The following KIAA0753 variants were observed in gnomAD, a reference collection of about 807,000 sequenced individuals.
KIAA0753 encodes protein moonraker.
In KIAA0753, 114 loss-of-function variants were observed where a neutral mutation model predicts 116.9. The ratio of observed to expected loss-of-function variants is 0.98; its 90% CI spans 0.84 to 1.14. The LOEUF (loss-of-function observed/expected upper bound fraction) is 1.14. Among genes scored for constraint, KIAA0753 ranks in the 50% most tolerant of loss-of-function variants. KIAA0753 has a pLI of 0.00. For synonymous variants in KIAA0753, 405 were observed against 413.1 expected (o/e 0.98, Z 0.24); for missense variants, 1,156 against 1,172.4 (o/e 0.99, Z 0.20).
chr17:6,578,558 C>A lies in KIAA0753; in HGVS notation c.*1189G>T, dbSNP rs1454176702. The A allele has an allele frequency of 6.6e-6, 1 of 152,162 alleles. No individual in the cohort carries two copies. The allele number at this position is 152,162 out of a possible 1,614,324, so 9.4% of individuals were successfully genotyped here. A position where few individuals can be genotyped will look rare whatever the true frequency, so the allele number is the denominator to read the frequency against. ...TCAATTTTGCACAAATAAGTGTGAT[C>A]AAGCAGCTTAAATCACCTGAAATTC... On this transcript the variant is annotated 3_prime_UTR_variant, in exon 19 of 19. Transcript: ENST00000361413.
At chr17:6,590,740 A>G (rs958029277) in intron 16 of KIAA0753, 110 bp from the exon 17 acceptor site, 17 of 1,151,342 alleles carry the variant, frequency 1.5e-5, no homozygotes, top group Non-Finnish European at 2.2e-5. Context: ...ACATCTCTTA[A>G]GCACGACAGG....
At chr17:6,608,628 C>T (rs970790860) in intron 9 of KIAA0753, among the ~76,000 whole-genome samples, 164 bp from the exon 10 acceptor site, 7 of 152,150 alleles carry the variant, frequency 4.6e-5, no homozygotes, top group African/African-American at 9.7e-5. Flanking sequence ...GAGATCCTCC[C>T]GCACTCAGGC....
At chr17:6,624,634 C>G in intron 4 of KIAA0753, 121 bp downstream of exon 4, 1 of 630,870 alleles carries the variant, frequency 1.6e-6, no homozygotes, top group Non-Finnish European at 2.8e-6. Flanking sequence ...CCTCACAAAT[C>G]TGTCAGAACT....
At chr17:6,594,944 T>C (rs1052317029) in intron 16 of KIAA0753, 28 bp downstream of exon 16, 19 of 1,552,288 alleles carry the variant, frequency 1.2e-5, no homozygotes, top group Non-Finnish European at 1.6e-5. Flanking sequence ...AATAAAATGT[T>C]AGGGGAAAAA....
intron 18 of KIAA0753, among the ~76,000 whole-genome samples, chr17:6,580,345 C>T (rs113506601): frequency 0.023 from 3,415 of 145,672 alleles, 151 homozygotes; most frequent in African/African-American, 0.081. Context: ...GACGGAGTCT[C>T]GCTCTGTTGC....
At chr17:6,625,405 C>T (rs1971600160) in intron 3 of KIAA0753, among the ~76,000 whole-genome samples, 1 of 151,926 alleles carries the variant, frequency 6.6e-6, no homozygotes, top group Non-Finnish European at 1.5e-5. Context: ...GGTGGCTCAC[C>T]CCTATAATCC....
intron 16 of KIAA0753, among the ~76,000 whole-genome samples, chr17:6,594,239 C>T (rs1181882012): frequency 6.6e-6 from 1 of 151,694 alleles, no homozygotes; most frequent in Non-Finnish European, 1.5e-5. Flanking sequence ...CTTGCCAACA[C>T]CCTGATTTCA....
chr17:6,592,991 C>T (rs1035161061), intron 16 of KIAA0753, among the ~76,000 whole-genome samples: 4 of 151,908 alleles, frequency 2.6e-5, no homozygotes, highest in African/African-American at 9.7e-5. Context: ...GAATTAGTTG[C>T]ACAACTATGT....
intron 5 of KIAA0753, 78 bp from the exon 6 acceptor site, chr17:6,623,175 A>G (rs893681116): frequency 3.0e-6 from 4 of 1,311,768 alleles, no homozygotes; most frequent in Non-Finnish European, 3.2e-6. Context: ...AAGAATATTT[A>G]TAGCCTGTCT....
In KIAA0753 at chr17:6,608,415, G is replaced by A; in HGVS notation, c.1762C>T (p.Pro588Ser). ...KTSPRDATKE[P>S]LQQEDPQEES... ...TCTTGAGGATCTTCTTGCTGGAGAG[G>A]CTCTTTTGTGGCATCTCTGGGGCTA... Residue 588 changes from proline (P) to serine (S), a missense_variant, in exon 10 of 19, where the codon CCT becomes TCT. Coordinates refer to ENST00000361413, the MANE Select transcript of KIAA0753 (RefSeq NM_014804.3). 6.4e-7 allele frequency: 1 copy of A among 1,565,516 alleles called. No homozygotes were observed.
At chr17:6,636,314 T>A (rs947309429) in intron 1 of KIAA0753, 1 of 152,152 alleles carries the variant, frequency 6.6e-6, no homozygotes, top group Admixed American at 6.5e-5. Context: ...TGGCTTGACG[T>A]TGGCACAGGT....
intron 2 of KIAA0753, among the ~76,000 whole-genome samples, chr17:6,631,145 G>A (rs1369494907): frequency 6.6e-6 from 1 of 152,112 alleles, no homozygotes; most frequent in African/African-American, 2.4e-5. Flanking sequence ...AAATCCATAA[G>A]GATAGTGGAA....
chr17:6,634,230 G>A (rs569670581), intron 2 of KIAA0753, among the ~76,000 whole-genome samples: 128 of 151,770 alleles, frequency 8.4e-4, no homozygotes, highest in African/African-American at 2.9e-3. Flanking sequence ...AGCCTCCGAA[G>A]TAGCTGGGAT....
rs370733031 is a variant in KIAA0753, at chr17:6,620,877, G to A, written c.1226C>T (p.Ser409Leu). ...QKALERWPST[S>L]PKGERRPLTA... ...GAGGGGCCTCCTCTCACCCTTTGGTGATGTACTTGGCCATCTCTCCAAGGC... is the reference window on the plus strand; with the variant it reads ...GAGGGGCCTCCTCTCACCCTTTGGTAATGTACTTGGCCATCTCTCCAAGGC... Residue 409 changes from serine to leucine, a missense_variant, in exon 7 of 19, where the codon TCA (serine) becomes TTA (leucine). Transcript: ENST00000361413. 5.6e-6 allele frequency: 9 copies of A among 1,614,076 alleles called. No homozygotes were observed. Among genetic ancestry groups the A allele is most frequent in the Non-Finnish European group, 7.6e-6 (9 of 1,180,034 alleles).
At chr17:6,596,966 G>A (rs1432588056) in intron 14 of KIAA0753, among the ~76,000 whole-genome samples, 1 of 152,146 alleles carries the variant, frequency 6.6e-6, no homozygotes, top group African/African-American at 2.4e-5. Context: ...TGTTTGCTGG[G>A]GGAATTAATT....
Position 6,635,136 on chromosome 17 carries a change from C to T in KIAA0753, c.-33G>A. ...GGTAGTACAGAACAATAGTGACAGC[C>T]TTGTCATCCGGCAACAGTCTTCCCT... On this transcript the variant is annotated 5_prime_UTR_variant, in exon 2 of 19. Coordinates refer to ENST00000361413, the MANE Select transcript of KIAA0753 (RefSeq NM_014804.3). The T allele has an allele frequency of 6.8e-7, 1 of 1,474,390 alleles. No individual in the cohort carries two copies. Among genetic ancestry groups the T allele is most frequent in the Non-Finnish European group, 9.5e-7 (1 of 1,053,306 alleles). 91.3% of individuals were successfully genotyped at this position (1,474,390 alleles called of 1,614,324 possible).
Position 6,579,671 on chromosome 17 carries a change from T to C in KIAA0753, c.*76A>G. On this transcript the variant is annotated 3_prime_UTR_variant, in exon 19 of 19. Coordinates refer to ENST00000361413, the MANE Select transcript of KIAA0753 (RefSeq NM_014804.3). ...CTGGATGGACAGCTGAGGATGAAAA[T>C]TTCCTGTGGGCCAAAACAAAGGGTG... 3 of 1,043,494 alleles carry C rather than the reference T, an allele frequency of 2.9e-6. No homozygotes were observed. The highest frequency in any genetic ancestry group is 4.5e-6 in the Non-Finnish European group (3 of 673,914). The allele number at this position is 1,043,494 out of a possible 1,614,324, so 64.6% of individuals were successfully genotyped here. A position where few individuals can be genotyped will look rare whatever the true frequency, so the allele number is the denominator to read the frequency against.
chr17:6,628,466 T>C lies in KIAA0753; in HGVS notation c.369A>G (p.Arg123=). Residue 123 remains arginine (R), a synonymous_variant, in exon 3 of 19, where the codon AGA becomes AGG. Transcript: ENST00000361413. ...FEKHIKEHHL[R]SQPQSSQKCG... is the part of the protein sequence containing the mutation. Reference sequence around the variant, plus strand: ...ACTTCTGAGAGCTTTGAGGCTGACTTCTGAGATGATGTTCTTTTATATGTT... The same window carrying C: ...ACTTCTGAGAGCTTTGAGGCTGACTCCTGAGATGATGTTCTTTTATATGTT... 6.2e-7 allele frequency: 1 copy of C among 1,614,220 alleles called. No individual in the cohort carries two copies. The highest frequency in any genetic ancestry group is 8.5e-7 in the Non-Finnish European group (1 of 1,180,034).
chr17:6,591,062 GAAGAAGAAGAAGAAGA>G lies in KIAA0753; in HGVS notation c.2441-448_2441-433del, dbSNP rs1969007798. ...GAAGGAAGAAGAAGAAGAAGAAGAA[GAAGAAGAAGAAGAAGA>G]AGAAGAAGAAGAAGAAGAAGAAGAA... On this transcript the variant is annotated intron_variant, in intron 16 of 18. Transcript: ENST00000361413. 8.2e-5 allele frequency among the ~76,000 whole-genome samples: 4 copies of G among 49,014 alleles called. No homozygotes were observed. The Admixed American group carries it at 9.4e-4, about 11-fold the overall frequency. 32.2% of individuals were successfully genotyped at this position (49,014 alleles called of 152,430 possible). A position where few individuals can be genotyped will look rare whatever the true frequency, so the allele number is the denominator to read the frequency against.
Sources: gnomAD v4.1 joint callset for allele counts (sites outside exome capture counted in the v4.1 genomes callset) on GRCh38, gnomAD v4.1.1 for gene constraint, MANE v1.5 for transcripts, NCBI Gene and HGNC (gene_info 2026-07-23, HGNC 2026-07-21) for gene names.